GABRR3: variants seen among roughly 807,000 people sequenced by gnomAD.
GABRR3 encodes the protein gamma-aminobutyric acid receptor subunit rho-3.
A neutral mutation model predicts 43.2 loss-of-function variants in GABRR3; 29 were observed. That is an observed-to-expected ratio of 0.67 (90% CI 0.50 to 0.92). The LOEUF is 0.92. Ranked by LOEUF, GABRR3 falls within the 40% of genes least tolerant of loss-of-function variation. The pLI is 0.00. For synonymous variants in GABRR3, 206 were observed against 195.9 expected (o/e 1.05, Z -0.43); for missense variants, 576 against 572.3 (o/e 1.01, Z -0.07).
intron 8 of GABRR3, 140 bp from the exon 9 acceptor site, chr3:97,993,188 C>G: frequency 1.8e-6 from 1 of 563,812 alleles, no homozygotes; most frequent in Non-Finnish European, 3.0e-6. Flanking sequence ...TGCATGTTGA[C>G]CAGCTATATA....
intron 2 of GABRR3, among the ~76,000 whole-genome samples, chr3:98,030,542 A>G (rs763003496): frequency 1.3e-5 from 2 of 152,218 alleles, no homozygotes; most frequent in African/African-American, 2.4e-5. Flanking sequence ...GCTTGGAAAA[A>G]CAAAAGCATA....
At chr3:98,027,387 A>G (rs1179990717) in intron 2 of GABRR3, among the ~76,000 whole-genome samples, 2 of 152,254 alleles carry the variant, frequency 1.3e-5, no homozygotes, top group African/African-American at 4.8e-5. Flanking sequence ...TTTAAGAAAA[A>G]TGGAAATGTA....
chr3:98,023,614 G>T (rs563260289), intron 3 of GABRR3, among the ~76,000 whole-genome samples: 17 of 152,108 alleles, frequency 1.1e-4, no homozygotes, highest in South Asian at 6.2e-4. Flanking sequence ...AGTTGAGAAC[G>T]GTCGTAAGGA....
At chr3:98,019,014 G>A (rs761376375) in intron 3 of GABRR3, among the ~76,000 whole-genome samples, 4 of 151,950 alleles carry the variant, frequency 2.6e-5, no homozygotes, top group Admixed American at 6.6e-5. Flanking sequence ...GAAGACTGAC[G>A]CATGAGAATT....
At chr3:97,995,605 TAA>T (rs112115092) in intron 8 of GABRR3, among the ~76,000 whole-genome samples, 11 of 145,786 alleles carry the variant, frequency 7.5e-5, no homozygotes, top group South Asian at 2.2e-4. Flanking sequence ...GATGAGTAAT[TAA>T]AAAAAAAAAA....
chr3:98,031,003 T>C (rs1161545712), intron 2 of GABRR3, among the ~76,000 whole-genome samples: 1 of 152,186 alleles, frequency 6.6e-6, no homozygotes, highest in East Asian at 1.9e-4. Flanking sequence ...AATCTTTATT[T>C]CCAGGCTCTG....
At chr3:97,990,537 G>A (rs957816536) in intron 9 of GABRR3, among the ~76,000 whole-genome samples, 10 of 151,858 alleles carry the variant, frequency 6.6e-5, no homozygotes, top group Non-Finnish European at 7.4e-5. Flanking sequence ...TAGTAGACAC[G>A]GGGTTTCATA....
chr3:98,014,566 C>CA (rs1706851539), intron 4 of GABRR3, among the ~76,000 whole-genome samples: 1 of 152,066 alleles, frequency 6.6e-6, no homozygotes, highest in Admixed American at 6.6e-5. Context: ...AGGAGAATGG[C>CA]AAATGAATCT....
chr3:98,021,555 C>T (rs978508980), intron 3 of GABRR3, among the ~76,000 whole-genome samples: 1 of 152,072 alleles, frequency 6.6e-6, no homozygotes, highest in Non-Finnish European at 1.5e-5. Context: ...TAGCCTAACC[C>T]CATTCAGATG....
chr3:97,986,253 T>C (rs887632595), downstream of GABRR3, among the ~76,000 whole-genome samples: 4 of 152,234 alleles, frequency 2.6e-5, no homozygotes, highest in African/African-American at 9.6e-5. Flanking sequence ...TGAGTGTGGA[T>C]GATACCACCT....
chr3:98,029,506 T>C lies in GABRR3; in HGVS notation c.126-3827A>G, dbSNP rs538029451. 3.3e-5 allele frequency among the ~76,000 whole-genome samples: 5 copies of C among 152,248 alleles called. No homozygotes were observed. The East Asian group carries it at 7.7e-4, about 24-fold the overall frequency. On this transcript the variant is annotated intron_variant, in intron 2 of 9. Coordinates refer to ENST00000621172, the Ensembl canonical transcript of GABRR3. ...AATGCACCTAACTCATTCTGCGGCATTGGAGTTTTATAAGTGGAATGATAA... is the reference window on the plus strand; with the variant it reads ...AATGCACCTAACTCATTCTGCGGCACTGGAGTTTTATAAGTGGAATGATAA...
intron 2 of GABRR3, among the ~76,000 whole-genome samples, chr3:98,033,897 C>T (rs1707121518): frequency 6.6e-6 from 1 of 152,230 alleles, no homozygotes; most frequent in Middle Eastern, 3.4e-3. Context: ...TCTAGTAACA[C>T]ACTTCTTTTG....
intron 9 of GABRR3, among the ~76,000 whole-genome samples, chr3:97,991,875 G>T (rs937677126): frequency 3.3e-5 from 5 of 152,102 alleles, no homozygotes; most frequent in African/African-American, 1.2e-4. Flanking sequence ...AATATGAATA[G>T]ATTTCATTGA....
chr3:98,020,317 C>T lies in GABRR3; in HGVS notation c.239-2595G>A, dbSNP rs116080047. 4.3e-4 allele frequency among the ~76,000 whole-genome samples: 66 copies of T among 152,116 alleles called. 1 individual carries two copies. Among genetic ancestry groups the T allele is most frequent in the African/African-American group, 1.4e-3 (59 of 41,498 alleles). On this transcript the variant is annotated intron_variant, in intron 3 of 9. Transcript: ENST00000621172. The stretch of plus-strand genomic sequence containing the variant: ...TTGAGGACTAGACATAGTACAGTTA[C>T]TGAACTTAATTTGTAGTCAATAAAT...
chr3:98,006,279 G>A (rs1229305899), intron 7 of GABRR3, among the ~76,000 whole-genome samples: 1 of 152,052 alleles, frequency 6.6e-6, no homozygotes, highest in Non-Finnish European at 1.5e-5. Context: ...CATCTACTAT[G>A]AGCCAGGGAT....
intron 4 of GABRR3, among the ~76,000 whole-genome samples, chr3:98,014,169 G>A (rs1380528578): frequency 6.6e-6 from 1 of 152,224 alleles, no homozygotes; most frequent in Non-Finnish European, 1.5e-5. Flanking sequence ...AGTTTTATCT[G>A]ATACGGACTA....
chr3:97,985,394 C>T (rs1332748414), downstream of GABRR3, among the ~76,000 whole-genome samples: 1 of 152,200 alleles, frequency 6.6e-6, no homozygotes, highest in Non-Finnish European at 1.5e-5. Flanking sequence ...TCACTCAATA[C>T]AATATCTGGA....
chr3:98,028,422 A>G (rs1344682826), intron 2 of GABRR3, among the ~76,000 whole-genome samples: 2 of 152,250 alleles, frequency 1.3e-5, no homozygotes, highest in Non-Finnish European at 2.9e-5. Context: ...AATCAGTTTA[A>G]TTATTTATAA....
chr3:98,029,397 A>C (rs1330944875), intron 2 of GABRR3, among the ~76,000 whole-genome samples: 2 of 152,144 alleles, frequency 1.3e-5, no homozygotes, highest in Non-Finnish European at 2.9e-5. Context: ...CTTGATTCTG[A>C]GTGGTCTCAG....
Sources: gnomAD v4.1 joint callset for allele counts (sites outside exome capture counted in the v4.1 genomes callset) on GRCh38, gnomAD v4.1.1 for gene constraint, MANE v1.5 for transcripts, NCBI Gene and HGNC (gene_info 2026-07-23, HGNC 2026-07-21) for gene names.